Variants in SYTL5 observed in about 807,000 individuals in gnomAD.
SYTL5 encodes synaptotagmin-like protein 5.
Under a neutral mutation model 55.9 loss-of-function variants are expected in SYTL5, and 34 were observed. That is an observed-to-expected ratio of 0.61 (90% CI 0.46 to 0.81). The LOEUF is 0.81. Ranked by LOEUF, SYTL5 falls within the 30% of genes least tolerant of loss-of-function variation. The pLI, the probability that SYTL5 is intolerant of heterozygous loss-of-function variation, is 0.00. For missense variants in SYTL5, 637 were observed against 546.7 expected (o/e 1.17, Z -1.65); for synonymous variants, 221 against 188.7 (o/e 1.17, Z -1.40).
the SYTL5 span, among the ~76,000 whole-genome samples, chrX:37,983,181 A>G: frequency 2.9e-4 from 32 of 112,060 alleles, no homozygotes; most frequent in African/African-American, 6.8e-4. Flanking sequence ...GGTAAATCTA[A>G]CTATATTAGT....
chrX:37,936,608 C>T, the SYTL5 span, among the ~76,000 whole-genome samples: 1 of 112,088 alleles, frequency 8.9e-6, no homozygotes, highest in Non-Finnish European at 1.9e-5. Flanking sequence ...ATTCACTCAC[C>T]TCCGACTTCT....
At chrX:38,073,907 CA>C (rs1244741889) in intron 5 of SYTL5, among the ~76,000 whole-genome samples, 11 of 111,567 alleles carry the variant, frequency 9.9e-5, no homozygotes, top group African/African-American at 3.3e-4. Flanking sequence ...CTGACCTAAG[CA>C]CAGAAGAGTT....
chrX:37,941,273 AG>A, the SYTL5 span, among the ~76,000 whole-genome samples: 1 of 111,925 alleles, frequency 8.9e-6, no homozygotes, highest in Non-Finnish European at 1.9e-5. Flanking sequence ...CAGCTTGTGC[AG>A]GGACAATCCC....
the SYTL5 span, among the ~76,000 whole-genome samples, chrX:37,960,801 TA>T: frequency 1.6e-4 from 15 of 93,043 alleles, no homozygotes; most frequent in South Asian, 4.7e-4. Flanking sequence ...TTTATTTATT[TA>T]TTTATTTATT....
the SYTL5 span, chrX:37,990,697 G>A: frequency 2.2e-6 from 2 of 889,185 alleles, no homozygotes; most frequent in Non-Finnish European, 3.0e-6. Flanking sequence ...GTCTAGGGAT[G>A]TCACAAAGGC....
the SYTL5 span, among the ~76,000 whole-genome samples, chrX:37,891,172 A>C: frequency 8.9e-5 from 10 of 112,320 alleles, no homozygotes; most frequent in Non-Finnish European, 3.8e-5. Context: ...ACAAAAGCTG[A>C]TACATGAATG....
intron 13 of SYTL5, among the ~76,000 whole-genome samples, 190 bp downstream of exon 13, chrX:38,110,672 A>G (rs1021203686): frequency 2.7e-5 from 3 of 112,414 alleles, no homozygotes; most frequent in Non-Finnish European, 5.6e-5. Flanking sequence ...CTTTGTCAAT[A>G]TAGATCATCT....
At chrX:38,021,132 T>A (rs1000178348) in intron 1 of SYTL5, among the ~76,000 whole-genome samples, 4 of 111,501 alleles carry the variant, frequency 3.6e-5, no homozygotes, top group African/African-American at 9.8e-5. Context: ...ACCCCTGAAA[T>A]TACCTCCCTT....
At chrX:37,989,402 G>A in the SYTL5 span, among the ~76,000 whole-genome samples, 15,704 of 111,416 alleles carry the variant, frequency 0.14, 2,002 homozygotes, top group African/African-American at 0.4. Flanking sequence ...CTCAAAATTT[G>A]ACAGGAGGAA....
chrX:38,009,118 C>T (rs760239544), intron 1 of SYTL5, among the ~76,000 whole-genome samples: 1 of 112,224 alleles, frequency 8.9e-6, no homozygotes, highest in South Asian at 3.7e-4. Context: ...ATTTATTCAA[C>T]TGCTTTTCTA....
intron 3 of SYTL5, among the ~76,000 whole-genome samples, chrX:38,056,530 A>G (rs182269952): frequency 1.8e-5 from 2 of 111,650 alleles, no homozygotes; most frequent in East Asian, 5.6e-4. Flanking sequence ...TAGTAGTTTA[A>G]GGAACCTCCA....
chrX:37,927,568 G>T, the SYTL5 span, among the ~76,000 whole-genome samples: 1 of 110,313 alleles, frequency 9.1e-6, no homozygotes, highest in East Asian at 2.8e-4. Context: ...AAGGTCAGGA[G>T]ATCAAGACCA....
At chrX:37,914,941 G>A in the SYTL5 span, among the ~76,000 whole-genome samples, 5 of 111,324 alleles carry the variant, frequency 4.5e-5, no homozygotes, top group African/African-American at 9.8e-5. Flanking sequence ...ACAAGATTCC[G>A]TTTTTCTTAC....
At chrX:37,963,518 G>A in the SYTL5 span, among the ~76,000 whole-genome samples, 2 of 111,551 alleles carry the variant, frequency 1.8e-5, no homozygotes, top group East Asian at 5.6e-4. Flanking sequence ...TCGGTCTCCT[G>A]ACCTCATGAT....
At chrX:37,977,983 G>A in the SYTL5 span, among the ~76,000 whole-genome samples, 2 of 111,246 alleles carry the variant, frequency 1.8e-5, no homozygotes, top group African/African-American at 6.5e-5. Flanking sequence ...AGAAAACGGA[G>A]TGTGGCTTTA....
chrX:38,045,932 A>C (rs1004912638), intron 2 of SYTL5, among the ~76,000 whole-genome samples: 1 of 112,117 alleles, frequency 8.9e-6, no homozygotes, highest in African/African-American at 3.2e-5. Flanking sequence ...GGGCGGAAGA[A>C]ACCCTCCATG....
chrX:37,905,480 C>G, the SYTL5 span, among the ~76,000 whole-genome samples: 35 of 107,548 alleles, frequency 3.3e-4, no homozygotes, highest in African/African-American at 1.2e-3. Context: ...AGGTAGGGTC[C>G]GAGGAAAGGA....
At chrX:37,961,875 T>A in the SYTL5 span, among the ~76,000 whole-genome samples, 1 of 111,929 alleles carries the variant, frequency 8.9e-6, no homozygotes, top group Non-Finnish European at 1.9e-5. Context: ...ATCTTTCTAA[T>A]GCATATTACA....
At chrX:38,105,015 C>T (rs184845553) in intron 10 of SYTL5, among the ~76,000 whole-genome samples, 173 of 112,417 alleles carry the variant, frequency 1.5e-3, no homozygotes, top group African/African-American at 5.5e-3. Context: ...CATCATTACT[C>T]TTACACTGTG....
Sources: gnomAD v4.1 joint callset for allele counts (sites outside exome capture counted in the v4.1 genomes callset) on GRCh38, gnomAD v4.1.1 for gene constraint, MANE v1.5 for transcripts, NCBI Gene and HGNC (gene_info 2026-07-23, HGNC 2026-07-21) for gene names.